GRIN3A: variants seen among roughly 807,000 people sequenced by gnomAD.
The protein encoded by GRIN3A is glutamate receptor ionotropic, NMDA 3A.
Under a neutral mutation model 92.4 loss-of-function variants are expected in GRIN3A, and 47 were observed. That is an observed-to-expected ratio of 0.51 (90% CI 0.40 to 0.65). The LOEUF is 0.65. Among genes scored for constraint, GRIN3A ranks in the 30% least tolerant of loss-of-function variants. The probability of loss-of-function intolerance (pLI) is 0.00; values close to 1 mark genes in which losing one functional copy is unlikely to be tolerated. For synonymous variants in GRIN3A, 527 were observed against 540.6 expected, an observed-to-expected ratio of 0.97 and a Z score of 0.35; for missense variants, 1,324 against 1,393.1, an observed-to-expected ratio of 0.95 and a Z score of 0.79.
rs368905495 is a variant in GRIN3A at position 101,737,565 on chromosome 9, C to T, written c.415G>A (p.Glu139Lys). The T allele has an allele frequency of 6.2e-6, 10 of 1,614,204 alleles. No individual in the cohort carries two copies. In the South Asian group the frequency reaches 1.1e-4, roughly 18 times the overall value. The change falls in exon 1 of 9, where the codon GAA (glutamate) becomes AAA (lysine). Residue 139 changes from glutamate to lysine, a missense_variant. Physicochemically the swap from Glu to Lys is moderately conservative, Grantham distance 56. Coordinates refer to ENST00000361820, the MANE Select transcript of GRIN3A (RefSeq NM_133445.3). ...LFAVDNLNRV[E>K]GLLPYNLSLE... Reference sequence around the variant, plus strand: ...GACAGGTTGTAGGGTAGCAGCCCTTCCACGCGGTTCAGGTTGTCCACGGCA... The same window carrying T: ...GACAGGTTGTAGGGTAGCAGCCCTTTCACGCGGTTCAGGTTGTCCACGGCA...
chr9:101,703,894 C>T (rs1438359065), intron 1 of GRIN3A, among the ~76,000 whole-genome samples: 1 of 152,156 alleles, frequency 6.6e-6, no homozygotes. Context: ...CCCTCTGCCT[C>T]CACTACTGTC....
At chr9:101,605,080 C>T (rs927266373) in intron 6 of GRIN3A, among the ~76,000 whole-genome samples, 1 of 152,220 alleles carries the variant, frequency 6.6e-6, no homozygotes, top group Non-Finnish European at 1.5e-5. Context: ...CCTCTGTGCC[C>T]CGGGACCCAT....
At chr9:101,720,538 T>C (rs1275701244) in intron 1 of GRIN3A, among the ~76,000 whole-genome samples, 1 of 152,188 alleles carries the variant, frequency 6.6e-6, no homozygotes. Flanking sequence ...GTCTATAGAA[T>C]TATTAATACC....
intron 5 of GRIN3A, among the ~76,000 whole-genome samples, chr9:101,615,250 T>A (rs10125230): frequency 0.85 from 126,831 of 148,574 alleles, 54,441 homozygotes; most frequent in African/African-American, 0.94. Flanking sequence ...TGAGGAAGAG[T>A]GATTAAAAAT....
intron 3 of GRIN3A, among the ~76,000 whole-genome samples, chr9:101,638,642 T>A (rs540053517): frequency 4.6e-5 from 7 of 152,248 alleles, no homozygotes; most frequent in African/African-American, 1.7e-4. Flanking sequence ...TAGCTCACCA[T>A]GTGCCAGGCA....
chr9:101,600,443 A>T (rs1828196706), intron 6 of GRIN3A, among the ~76,000 whole-genome samples: 1 of 152,192 alleles, frequency 6.6e-6, no homozygotes, highest in Admixed American at 6.5e-5. Context: ...GGGAAGATGG[A>T]CATTAACCAA....
intron 3 of GRIN3A, among the ~76,000 whole-genome samples, chr9:101,649,421 C>T (rs181666992): frequency 6.6e-6 from 1 of 152,046 alleles, no homozygotes; most frequent in Admixed American, 6.6e-5. Context: ...GGTGGTTCAG[C>T]CATATTAGCA....
intron 6 of GRIN3A, among the ~76,000 whole-genome samples, chr9:101,589,423 A>G (rs1827995023): frequency 6.6e-6 from 1 of 152,216 alleles, no homozygotes; most frequent in Admixed American, 6.5e-5. Context: ...GCCACCAAAG[A>G]TACTGCAATG....
chr9:101,687,087 C>T lies in GRIN3A; in HGVS notation c.813G>A (p.Gln271=), dbSNP rs143734150. Residue 271 remains glutamine, a synonymous_variant, in exon 2 of 9, where the codon CAG becomes CAA. Coordinates refer to ENST00000361820, the MANE Select transcript of GRIN3A (RefSeq NM_133445.3). Reference sequence around the variant, plus strand: ...GGAAGTCGGTGATGTTCCAGTCTTCCTGGCACAGCAACAAGCTAAAATTGT... The same window carrying T: ...GGAAGTCGGTGATGTTCCAGTCTTCTTGGCACAGCAACAAGCTAAAATTGT... The part of the protein sequence containing the change: ...NWYNFSLLLC[Q]EDWNITDFLL... 1.8e-4 allele frequency: 294 copies of T among 1,614,108 alleles called. 1 individual carries two copies. The African/African-American group carries it at 3.7e-3, about 20-fold the overall frequency.
At position 101,569,597 on chromosome 9, in the gene GRIN3A, T is replaced by C. The variant is rs1278104167; in HGVS notation, c.*3577A>G. On this transcript the variant is annotated 3_prime_UTR_variant, in exon 9 of 9. Coordinates refer to ENST00000361820, the MANE Select transcript of GRIN3A (RefSeq NM_133445.3). ...TAAGAAAATACTTATAAATACATTA[T>C]TTTCATAAAATGATTAGTAACTAAA... The C allele has an allele frequency of 6.6e-6, 1 of 152,084 alleles. No homozygotes were observed. Among genetic ancestry groups the C allele is most frequent in the Admixed American group, 6.5e-5 (1 of 15,270 alleles). The allele number at this position is 152,084 out of a possible 1,614,324, so 9.4% of individuals were successfully genotyped here.
chr9:101,679,847 G>A (rs1374623974), intron 2 of GRIN3A, among the ~76,000 whole-genome samples: 2 of 152,162 alleles, frequency 1.3e-5, no homozygotes, highest in African/African-American at 4.8e-5. Flanking sequence ...GTTGAAATAC[G>A]TGGGTTAACC....
chr9:101,570,119 G>T lies in GRIN3A; in HGVS notation c.*3055C>A, dbSNP rs972460437. Reference sequence around the variant, plus strand: ...TCCAATTTGTTTTTAAATTTTGGGAGATTCCCCTTTCTCCTCCACCTGGAA... The same window carrying T: ...TCCAATTTGTTTTTAAATTTTGGGATATTCCCCTTTCTCCTCCACCTGGAA... On this transcript the variant is annotated 3_prime_UTR_variant, in exon 9 of 9. Coordinates refer to ENST00000361820, the MANE Select transcript of GRIN3A (RefSeq NM_133445.3). The T allele has an allele frequency of 1.8e-4, 28 of 152,166 alleles. No individual in the cohort carries two copies. Among genetic ancestry groups the T allele is most frequent in the African/African-American group, 6.8e-4 (28 of 41,410 alleles). 9.4% of individuals were successfully genotyped at this position (152,166 alleles called of 1,614,324 possible).
chr9:101,659,996 T>C (rs1829150237), intron 3 of GRIN3A, among the ~76,000 whole-genome samples: 1 of 151,868 alleles, frequency 6.6e-6, no homozygotes, highest in South Asian at 2.1e-4. Context: ...GTTTCTTGAA[T>C]TGGAGAACAT....
At chr9:101,736,435 C>T (rs1446563101) in intron 1 of GRIN3A, among the ~76,000 whole-genome samples, 1 of 151,024 alleles carries the variant, frequency 6.6e-6, no homozygotes, top group Non-Finnish European at 1.5e-5. Flanking sequence ...TCACAAATAG[C>T]TCTTTCATTG....
chr9:101,724,404 T>G (rs1415476111), intron 1 of GRIN3A, among the ~76,000 whole-genome samples: 2 of 152,044 alleles, frequency 1.3e-5, no homozygotes, highest in Non-Finnish European at 2.9e-5. Flanking sequence ...GGCCCGCTGC[T>G]CCGAGTGCGG....
chr9:101,725,485 G>A (rs1032383768), intron 1 of GRIN3A, among the ~76,000 whole-genome samples: 1 of 152,134 alleles, frequency 6.6e-6, no homozygotes, highest in Non-Finnish European at 1.5e-5. Flanking sequence ...TCTTGTTATA[G>A]GTAAGAGAAA....
At chr9:101,709,665 C>T (rs144159220) in intron 1 of GRIN3A, among the ~76,000 whole-genome samples, 28 of 152,270 alleles carry the variant, frequency 1.8e-4, no homozygotes, top group African/African-American at 6.5e-4. Flanking sequence ...AGAATAATGC[C>T]TTCCTCTCAA....
At position 101,573,299 on chromosome 9, in the gene GRIN3A, C is replaced by T. The variant is rs768403490; in HGVS notation, c.3223G>A (p.Val1075Met). Residue 1075 changes from valine to methionine, a missense_variant, in exon 9 of 9, where the codon GTG becomes ATG. Transcript: ENST00000361820. ...TCGAGCTCTGAGAGTTCCTGCATCA[C>T]TGAGTTCCGAGATACATTTAGGGAG... ...ADSLNVSRNS[V>M]MQELSELEKQ... is the part of the protein sequence containing the mutation. The T allele has an allele frequency of 6.2e-7, 1 of 1,614,078 alleles. No individual in the cohort carries two copies. Among genetic ancestry groups the T allele is most frequent in the Non-Finnish European group, 8.5e-7 (1 of 1,179,988 alleles).
At chr9:101,580,394 G>T (rs1251598463) in intron 6 of GRIN3A, among the ~76,000 whole-genome samples, 1 of 152,160 alleles carries the variant, frequency 6.6e-6, no homozygotes, top group African/African-American at 2.4e-5. Context: ...CAAGGCCCTG[G>T]GTCTGGACCA....
Sources: gnomAD v4.1 joint callset for allele counts (sites outside exome capture counted in the v4.1 genomes callset) on GRCh38, gnomAD v4.1.1 for gene constraint, MANE v1.5 for transcripts, NCBI Gene and HGNC (gene_info 2026-07-23, HGNC 2026-07-21) for gene names.